WDR90: variants seen among roughly 807,000 people sequenced by gnomAD.
WDR90 encodes the protein WD repeat-containing protein 90.
WDR90 carries 238 observed loss-of-function variants against 195.2 expected under a neutral mutation model. The ratio of observed to expected loss-of-function variants is 1.22; its 90% CI spans 1.10 to 1.36. The LOEUF (loss-of-function observed/expected upper bound fraction) is 1.36, where lower values mean the gene tolerates loss of function less well. WDR90 is among the 40% of genes most tolerant of loss of function. The pLI is 0.00. For synonymous variants in WDR90, 1,265 were observed against 1,052.4 expected (o/e 1.20, Z -3.91); for missense variants, 2,734 against 2,439.5 (o/e 1.12, Z -2.54).
intron 7 of WDR90, 149 bp downstream of exon 7, chr16:651,415 C>T (rs2037644776): frequency 9.0e-7 from 1 of 1,115,646 alleles, no homozygotes; most frequent in Non-Finnish European, 1.3e-6. Context: ...TGTCCGAGTT[C>T]CCAGAACCAC....
rs575433458 is a variant in WDR90 at position 659,916 on chromosome 16, G to A, written c.3185-142G>A. 1,309 of 662,822 alleles carry A rather than the reference G, an allele frequency of 2.0e-3. 21 individuals carry two copies. Among genetic ancestry groups the A allele is most frequent in the South Asian group, 0.019 (907 of 48,950 alleles). The allele number at this position is 662,822 out of a possible 1,614,324, so 41.1% of individuals were successfully genotyped here. Reference sequence around the variant, plus strand: ...CTGCAGTGGGACACGGTTTGCCTGCGTCTGTGGCTCCGGCCTGTGCCCCGC... The same window carrying A: ...CTGCAGTGGGACACGGTTTGCCTGCATCTGTGGCTCCGGCCTGTGCCCCGC... On this transcript the variant is annotated intron_variant, in intron 26 of 40. Coordinates refer to ENST00000293879, the MANE Select transcript of WDR90 (RefSeq NM_145294.5).
Position 667,745 on chromosome 16 carries a change from C to T in WDR90, c.*156C>T, listed in dbSNP as rs530857963. ...GAGCAAGCTGTTGTAAATTTGGCGCCCTGTGAATACTTTCATACCTGTTGC... is the reference window on the plus strand; with the variant it reads ...GAGCAAGCTGTTGTAAATTTGGCGCTCTGTGAATACTTTCATACCTGTTGC... On this transcript the variant is annotated 3_prime_UTR_variant, in exon 41 of 41. Transcript: ENST00000293879. 9.2e-7 allele frequency: 1 copy of T among 1,090,058 alleles called. No homozygotes were observed. The highest frequency in any genetic ancestry group is 1.3e-6 in the Non-Finnish European group (1 of 742,126). The allele number at this position is 1,090,058 out of a possible 1,614,324, so 67.5% of individuals were successfully genotyped here.
chr16:653,687 C>A lies in WDR90; in HGVS notation c.1379+17C>A. ...CTCTCTCAGGTGAGCACAGGTCTGC[C>A]CCATGCAGGGGGAGGGGGTCAGCCC... On this transcript the variant is annotated intron_variant, in intron 12 of 40. Coordinates refer to ENST00000293879, the MANE Select transcript of WDR90 (RefSeq NM_145294.5). 6.2e-7 allele frequency: 1 copy of A among 1,613,254 alleles called. No homozygotes were observed. The highest frequency in any genetic ancestry group is 8.5e-7 in the Non-Finnish European group (1 of 1,179,848).
Position 659,313 on chromosome 16 carries a change from A to G in WDR90, c.3121A>G (p.Lys1041Glu), listed in dbSNP as rs1349644642. 10 of 1,600,356 alleles carry G rather than the reference A, an allele frequency of 6.2e-6. No homozygotes were observed. Among genetic ancestry groups the G allele is most frequent in the African/African-American group, 1.3e-5 (1 of 74,728 alleles). Residue 1041 changes from lysine (K) to glutamate (E), a missense_variant, in exon 26 of 41, where the codon AAG becomes GAG. Transcript: ENST00000293879. ...CGAGCTCCCCCGGCAGCAGGTCCCC[A>G]AGCCATGTCAGGCATCTCCACCACG... is the stretch of plus-strand genomic sequence containing the variant. Reference protein sequence around the residue: ...ASELPRQQVPKPCQASPPRLG... With the variant: ...ASELPRQQVPEPCQASPPRLG...
rs747232635 is a variant in WDR90, at chr16:653,774, G to A, written c.1408G>A (p.Gly470Arg). 13 of 1,613,136 alleles carry A rather than the reference G, an allele frequency of 8.1e-6. No individual in the cohort carries two copies. Among genetic ancestry groups the A allele is most frequent in the South Asian group, 7.7e-5 (7 of 91,090 alleles). Residue 470 changes from glycine (G) to arginine (R), a missense_variant, in exon 13 of 41, where the codon GGG (glycine) becomes AGG (arginine). By Grantham distance (125) the Gly-to-Arg change is moderately radical (BLOSUM62 -2). Coordinates refer to ENST00000293879, the MANE Select transcript of WDR90 (RefSeq NM_145294.5). ...CTCTGACAGCGGGGCCCTTCTCTGC[G>A]GGGTTGGCAAGGACCACCACGGGAG... is the stretch of plus-strand genomic sequence containing the variant. ...SFSDSGALLC[G>R]VGKDHHGRTM...
At chr16:655,976 G>A (rs1002362554) in intron 17 of WDR90, 87 bp downstream of exon 17, 3 of 1,433,258 alleles carry the variant, frequency 2.1e-6, no homozygotes, top group Non-Finnish European at 1.9e-6. Context: ...GGGCTCTGCT[G>A]TCAGCCGCCC....
chr16:655,699 CT>C lies in WDR90; in HGVS notation c.1846del (p.Ser616GlnfsTer175). On this transcript the variant is annotated frameshift_variant, in exon 16 of 41. Coordinates refer to ENST00000293879, the MANE Select transcript of WDR90 (RefSeq NM_145294.5). LOFTEE classifies it high-confidence loss of function. ...CCCACCCACAGAAGCAGACCTTCAG[CT>C]CAGGTAAGAGGGCGCCCACCACGTG... ...GPHPQKQTFS[S>X]GPGIAISSLS... 6.3e-7 allele frequency: 1 copy of C among 1,592,726 alleles called. No homozygotes were observed. Among genetic ancestry groups the C allele is most frequent in the South Asian group, 1.1e-5 (1 of 88,582 alleles).
chr16:660,004 C>T (rs968758217), intron 26 of WDR90, 54 bp from the exon 27 acceptor site: 33 of 1,336,026 alleles, frequency 2.5e-5, no homozygotes, highest in Non-Finnish European at 3.2e-5. Context: ...AGTGTGGGGT[C>T]TCTGAAGAGC....
chr16:662,022 CTGCTTCT>C lies in WDR90; in HGVS notation c.3999_4005del (p.Phe1334ProfsTer39). 1 of 1,603,212 alleles carries C rather than the reference CTGCTTCT, an allele frequency of 6.2e-7. No homozygotes were observed. Among genetic ancestry groups the C allele is most frequent in the Non-Finnish European group, 8.5e-7 (1 of 1,179,854 alleles). On this transcript the variant is annotated frameshift_variant, in exon 32 of 41. Transcript: ENST00000293879. LOFTEE classifies it high-confidence loss of function. ...GTGTCTGGGACACGCGTGCCGGCCG[CTGCTTCT>C]TGTCCTGGGAGGCGGATGACGGTGG...
chr16:654,894 T>C (rs2037715706), intron 13 of WDR90, 135 bp from the exon 14 acceptor site: 2 of 761,532 alleles, frequency 2.6e-6, no homozygotes, highest in South Asian at 1.7e-5. Flanking sequence ...CCTTCCACTC[T>C]CCACGGCCGC....
Position 659,363 on chromosome 16 carries a change from C to T in WDR90, c.3171C>T (p.Pro1057=), listed in dbSNP as rs371388617. ...PPRLGVCARP[P]EGGDGARDTR... The stretch of plus-strand genomic sequence containing the variant: ...GGCTGGGCGTCTGTGCCAGGCCTCC[C>T]GAAGGTGGCGATGGTGAGCAGCAGG... Residue 1057 remains proline (P), a synonymous_variant, in exon 26 of 41, where the codon CCC becomes CCT. Transcript: ENST00000293879. The T allele has an allele frequency of 2.8e-5, 44 of 1,591,832 alleles. No homozygotes were observed. The African/African-American group carries it at 4.3e-4, about 16-fold the overall frequency.
At position 650,550 on chromosome 16, in the gene WDR90, T is replaced by C; in HGVS notation, c.400T>C (p.Leu134=). Reference sequence around the variant, plus strand: ...TGCCCATCCTGCAGATCTGGTGGGTTTGGCCCCCTCCGGAGCCCGCTGGAC... The same window carrying C: ...TGCCCATCCTGCAGATCTGGTGGGTCTGGCCCCCTCCGGAGCCCGCTGGAC... ...ARTPQRDLVG[L]APSGARWTCL... is the part of the protein sequence containing the mutation. The change falls in exon 5 of 41, where the codon TTG becomes CTG. Residue 134 remains leucine (L), a synonymous_variant. Transcript: ENST00000293879. 6.2e-7 allele frequency: 1 copy of C among 1,608,740 alleles called. No homozygotes were observed. Among genetic ancestry groups the C allele is most frequent in the East Asian group, 2.2e-5 (1 of 44,688 alleles).
Position 656,611 on chromosome 16 carries a change from G to A in WDR90, c.2202+74G>A, listed in dbSNP as rs1003625292. The A allele has an allele frequency of 3.8e-6, 6 of 1,575,856 alleles. No homozygotes were observed. The African/African-American group carries it at 8.1e-5, about 21-fold the overall frequency. On this transcript the variant is annotated intron_variant, in intron 18 of 40. Coordinates refer to ENST00000293879, the MANE Select transcript of WDR90 (RefSeq NM_145294.5). ...AGCTGGGGTTTGTCAGCGGGGGTGA[G>A]AGGGGCCTATAGGGACCTGGACTTT...
rs1428190209 is a variant in WDR90, at chr16:650,295, G to A, written c.321G>A (p.Lys107=). 8 of 1,612,928 alleles carry A rather than the reference G, an allele frequency of 5.0e-6. No homozygotes were observed. In the Admixed American group the frequency reaches 1.0e-4, roughly 20 times the overall value. ...GTGTGTCTTTCTCCAACCTCTTCAA[G>A]GAGTTTAAGTCTACGGCCACGTGGC... The part of the protein sequence containing the change: ...VIRVSFSNLF[K]EFKSTATWLQ... The change falls in exon 4 of 41, where the codon AAG becomes AAA. Residue 107 remains lysine (K), a synonymous_variant. Coordinates refer to ENST00000293879, the MANE Select transcript of WDR90 (RefSeq NM_145294.5).
chr16:667,483 C>T lies in WDR90; in HGVS notation c.5141C>T (p.Ala1714Val), dbSNP rs780812578. Residue 1714 changes from alanine (A) to valine (V), a missense_variant, in exon 41 of 41, where the codon GCC becomes GTC. Coordinates refer to ENST00000293879, the MANE Select transcript of WDR90 (RefSeq NM_145294.5). ...DCAMGTAQDF[A>V]GHDNAVHLCR... ...GCCATGGGGACTGCCCAAGACTTTGCCGGCCACGACAACGCAGTGCACCTG... is the reference window on the plus strand; with the variant it reads ...GCCATGGGGACTGCCCAAGACTTTGTCGGCCACGACAACGCAGTGCACCTG... 6 of 1,610,102 alleles carry T rather than the reference C, an allele frequency of 3.7e-6. No individual in the cohort carries two copies. In the South Asian group the frequency reaches 5.5e-5, roughly 15 times the overall value.
rs199714040 is a variant in WDR90, at chr16:653,598, G to A, written c.1307G>A (p.Arg436Gln). ...SAQARAPSVMRLWDFQTGRCL... is the reference protein window; with the variant it reads ...SAQARAPSVMQLWDFQTGRCL... ...CAGGCAAGGGCCCCTAGTGTGATGC[G>A]GCTCTGGGACTTCCAGACCGGGCGG... The change falls in exon 12 of 41, where the codon CGG (arginine) becomes CAG (glutamine). Residue 436 changes from arginine to glutamine, a missense_variant. Transcript: ENST00000293879. 2.2e-5 allele frequency: 36 copies of A among 1,613,406 alleles called. 1 individual carries two copies. The highest frequency in any genetic ancestry group is 1.6e-4 in the Middle Eastern group (1 of 6,084).
chr16:666,276 A>G lies in WDR90; in HGVS notation c.4666A>G (p.Thr1556Ala), dbSNP rs2038036751. The change falls in exon 37 of 41, where the codon ACA becomes GCA. Residue 1556 changes from threonine (T) to alanine (A), a missense_variant. Physicochemically the swap from Thr to Ala is moderately conservative, Grantham distance 58. Transcript: ENST00000293879. ...DGLVAVSHPC[T>A]GTTFRVLSDH... ...GCTCGTGGCTGTGAGCCACCCCTGC[A>G]CAGGGACAACCTTCCGTGTGCTGAG... is the stretch of plus-strand genomic sequence containing the variant. 1.9e-6 allele frequency: 3 copies of G among 1,612,712 alleles called. No homozygotes were observed. Among genetic ancestry groups the G allele is most frequent in the Non-Finnish European group, 2.5e-6 (3 of 1,179,976 alleles).
Position 649,766 on chromosome 16 carries a change from G to A in WDR90, c.14G>A (p.Trp5Ter), listed in dbSNP as rs1256075534. The stretch of plus-strand genomic sequence containing the variant: ...GCCCGGCGCCCGCTCCCCGCAGCGT[G>A]GCAGCACCCGTTCCTCAACGTCTTC... MARA[W>*]QHPFLNVFRH... Residue 5 changes from tryptophan to a stop codon, truncating the protein, a stop_gained, in exon 2 of 41, where the codon TGG (tryptophan) becomes TAG (stop). Coordinates refer to ENST00000293879, the MANE Select transcript of WDR90 (RefSeq NM_145294.5). LOFTEE classifies it high-confidence loss of function. 1 of 1,557,622 alleles carries A rather than the reference G, an allele frequency of 6.4e-7. No individual in the cohort carries two copies. Among genetic ancestry groups the A allele is most frequent in the African/African-American group, 1.4e-5 (1 of 73,562 alleles).
chr16:657,200 T>C lies in WDR90; in HGVS notation c.2452T>C (p.Trp818Arg). Residue 818 changes from tryptophan (W) to arginine (R), a missense_variant, in exon 20 of 41, where the codon TGG becomes CGG. Transcript: ENST00000293879. ...LAQYSCADPQ[W>R]HVLRVAADMV... ...CCAGTACAGCTGTGCGGACCCCCAG[T>C]GGCATGTCCTCCGAGTGGCAGGTTG... The C allele has an allele frequency of 6.4e-7, 1 of 1,552,896 alleles. No homozygotes were observed. The highest frequency in any genetic ancestry group is 1.9e-5 in the Admixed American group (1 of 51,910).
Sources: allele counts gnomAD v4.1 joint callset, GRCh38; gene constraint gnomAD v4.1.1; transcripts MANE v1.5; gene names NCBI Gene and HGNC (gene_info 2026-07-23, HGNC 2026-07-21).